Variants in GTF2IRD2B observed in about 807,000 individuals in gnomAD.
GTF2IRD2B encodes the protein GTF2I repeat domain containing 2B.
GTF2IRD2B carries 10 observed loss-of-function variants against 55.6 expected under a neutral mutation model. The ratio of observed to expected loss-of-function variants is 0.18; its 90% CI spans 0.11 to 0.31. The LOEUF (loss-of-function observed/expected upper bound fraction) is 0.31, where lower values mean the gene tolerates loss of function less well. Among genes scored for constraint, GTF2IRD2B ranks in the 10% least tolerant of loss-of-function variants. The pLI, the probability that GTF2IRD2B is intolerant of heterozygous loss-of-function variation, is 1.00. For missense variants in GTF2IRD2B, 206 were observed against 802.7 expected, an observed-to-expected ratio of 0.26 and a Z score of 8.98; for synonymous variants, 107 against 320.5, an observed-to-expected ratio of 0.33 and a Z score of 7.12.
rs1490844334 is a variant in GTF2IRD2B at position 75,139,526 on chromosome 7, C to T, written c.949+499C>T. On this transcript the variant is annotated intron_variant, in intron 12 of 15. Coordinates refer to ENST00000472837, the MANE Select transcript of GTF2IRD2B (RefSeq NM_001003795.3). ...GCGAGCACCTGTAGTCCCAGCTACT[C>T]GGGAGGCTGAGGCTGAAGAATGGCG... Among the ~76,000 whole-genome samples, 5 of 107,110 alleles carry T rather than the reference C, an allele frequency of 4.7e-5. No individual in the cohort carries two copies. In the East Asian group the frequency reaches 1.1e-3, roughly 23 times the overall value. 70.3% of individuals were successfully genotyped at this position (107,110 alleles called of 152,430 possible). A position where few individuals can be genotyped will look rare whatever the true frequency, so the allele number is the denominator to read the frequency against.
chr7:75,123,770 C>T (rs1322235426), intron 6 of GTF2IRD2B: 17 of 510,528 alleles, frequency 3.3e-5, no homozygotes, highest in South Asian at 7.6e-5. Context: ...CCCAGCTACT[C>T]GGGAGTCTGA....
At chr7:75,121,430 C>T (rs1216272800) in intron 4 of GTF2IRD2B, among the ~76,000 whole-genome samples, 2 of 151,594 alleles carry the variant, frequency 1.3e-5, no homozygotes, top group East Asian at 1.9e-4. Flanking sequence ...CATTTCAAAA[C>T]CCATATGCTT....
At chr7:75,103,627 C>T (rs1554421662) in intron 1 of GTF2IRD2B, among the ~76,000 whole-genome samples, 7 of 151,860 alleles carry the variant, frequency 4.6e-5, no homozygotes, top group East Asian at 3.9e-4. Context: ...TGATGTGACC[C>T]GGATGCACCC....
intron 1 of GTF2IRD2B, among the ~76,000 whole-genome samples, chr7:75,103,813 A>G (rs2115688370): frequency 6.7e-6 from 1 of 149,030 alleles, no homozygotes; most frequent in Admixed American, 6.7e-5. Flanking sequence ...TGGGCAGATC[A>G]CGAGGTCAGG....
At chr7:75,123,691 C>T (rs1808457481) in intron 6 of GTF2IRD2B, 175 bp downstream of exon 6, 7 of 730,226 alleles carry the variant, frequency 9.6e-6, no homozygotes, top group Admixed American at 4.2e-5. Context: ...CTGGCTAACA[C>T]GGTGAAGCCC....
intron 3 of GTF2IRD2B, among the ~76,000 whole-genome samples, chr7:75,112,859 A>T (rs1214281918): frequency 3.1e-5 from 2 of 65,556 alleles, no homozygotes; most frequent in South Asian, 6.6e-4. Flanking sequence ...AGGGGGAAAA[A>T]CTTTTTCAGA....
At chr7:75,104,976 TC>T (rs1807731167) in intron 1 of GTF2IRD2B, among the ~76,000 whole-genome samples, 2 of 152,280 alleles carry the variant, frequency 1.3e-5, no homozygotes, top group African/African-American at 4.8e-5. Flanking sequence ...AGCAGGAAGA[TC>T]GCTTGAGCCC....
intron 1 of GTF2IRD2B, among the ~76,000 whole-genome samples, chr7:75,106,075 A>G (rs1807793303): frequency 6.6e-6 from 1 of 152,312 alleles, no homozygotes; most frequent in Non-Finnish European, 1.5e-5. Context: ...ATTTCCAAAT[A>G]ACCGCATGTG....
chr7:75,134,908 G>A, intron 9 of GTF2IRD2B, 93 bp from the exon 10 acceptor site: 1 of 1,536,012 alleles, frequency 6.5e-7, no homozygotes, highest in South Asian at 1.2e-5. Context: ...GTGTATTCCT[G>A]CGTGGGTATT....
chr7:75,102,997 G>C (rs1807629536), intron 1 of GTF2IRD2B, among the ~76,000 whole-genome samples: 1 of 150,292 alleles, frequency 6.7e-6, no homozygotes, highest in Admixed American at 6.7e-5. Context: ...ATAAAATAAG[G>C]CTGGGCATGG....
In GTF2IRD2B at chr7:75,139,642, AAAT is replaced by A. The variant is rs1203636656; in HGVS notation, c.949+634_949+636del. ...GAGTGAGACTCTGTCTCAAAAAAATAAATAATAATAATAATAATAATCTTCTTT... is the reference window on the plus strand; with the variant it reads ...GAGTGAGACTCTGTCTCAAAAAAATAAATAATAATAATAATAATCTTCTTT... On this transcript the variant is annotated intron_variant, in intron 12 of 15. Transcript: ENST00000472837. Among the ~76,000 whole-genome samples, 57 of 115,542 alleles carry A rather than the reference AAAT, an allele frequency of 4.9e-4. 4 individuals carry two copies. The South Asian group carries it at 0.011, about 23-fold the overall frequency. 75.8% of individuals were successfully genotyped at this position (115,542 alleles called of 152,430 possible).
chr7:75,127,177 A>T (rs1808546143), intron 8 of GTF2IRD2B, among the ~76,000 whole-genome samples: 1 of 151,360 alleles, frequency 6.6e-6, no homozygotes, highest in African/African-American at 2.4e-5. Flanking sequence ...TTTTACTCAA[A>T]TATCTAGAAA....
chr7:75,145,610 A>G (rs1166402895), intron 15 of GTF2IRD2B, among the ~76,000 whole-genome samples: 1 of 147,296 alleles, frequency 6.8e-6, no homozygotes, highest in African/African-American at 2.5e-5. Context: ...GCGCGTGCCT[A>G]TAATCCCAGC....
chr7:75,117,424 G>A (rs1808199010), intron 3 of GTF2IRD2B, among the ~76,000 whole-genome samples: 2 of 152,420 alleles, frequency 1.3e-5, no homozygotes, highest in Non-Finnish European at 2.9e-5. Flanking sequence ...GAACCCGGGA[G>A]GCGGAGGTTG....
At chr7:75,121,044 T>A (rs1554451887) in intron 4 of GTF2IRD2B, 34 bp downstream of exon 4, 3 of 1,609,074 alleles carry the variant, frequency 1.9e-6, no homozygotes, top group East Asian at 2.2e-5. Context: ...TTCTATTTTT[T>A]TTTTTTTTTT....
At chr7:75,127,014 A>AAC (rs1394967953) in intron 8 of GTF2IRD2B, among the ~76,000 whole-genome samples, 1 of 88,638 alleles carries the variant, frequency 1.1e-5, no homozygotes, top group African/African-American at 2.8e-5. Flanking sequence ...AACAAAAACA[A>AAC]AAACAAAAAC....
intron 1 of GTF2IRD2B, among the ~76,000 whole-genome samples, chr7:75,105,439 G>C (rs1447722080): frequency 6.6e-6 from 1 of 152,302 alleles, no homozygotes; most frequent in African/African-American, 2.4e-5. Context: ...AGGAGGCAGA[G>C]TTTGCAATGA....
At chr7:75,126,721 G>A (rs1392764912) in intron 8 of GTF2IRD2B, among the ~76,000 whole-genome samples, 9 of 147,408 alleles carry the variant, frequency 6.1e-5, no homozygotes, top group African/African-American at 2.0e-4. Flanking sequence ...ACAAGGCTGC[G>A]CACGGTGGAT....
intron 1 of GTF2IRD2B, among the ~76,000 whole-genome samples, chr7:75,107,503 A>C (rs1429206771): frequency 8.4e-6 from 1 of 118,796 alleles, no homozygotes; most frequent in African/African-American, 2.8e-5. Context: ...TGAACCTGGG[A>C]GGTGGAGCTT....
Sources: allele counts gnomAD v4.1 joint callset (sites outside exome capture counted in the v4.1 genomes callset), GRCh38; gene constraint gnomAD v4.1.1; transcripts MANE v1.5; gene names NCBI Gene and HGNC (gene_info 2026-07-23, HGNC 2026-07-21).